ADCY1: variants seen among roughly 807,000 people sequenced by gnomAD.
The protein encoded by ADCY1 is adenylate cyclase 1.
In ADCY1, 28 loss-of-function variants were observed where a neutral mutation model predicts 105.4. The ratio of observed to expected loss-of-function variants is 0.27; its 90% CI spans 0.20 to 0.36. ADCY1 has a LOEUF of 0.36. Ranked by LOEUF, ADCY1 falls within the 10% of genes least tolerant of loss-of-function variation. The pLI is 1.00. For missense variants in ADCY1, 977 were observed against 1,434.2 expected (o/e 0.68, Z 5.15); for synonymous variants, 655 against 623.8 (o/e 1.05, Z -0.75).
At chr7:45,640,802 T>C (rs1444165702) in intron 4 of ADCY1, among the ~76,000 whole-genome samples, 3 of 152,228 alleles carry the variant, frequency 2.0e-5, no homozygotes, top group African/African-American at 4.8e-5. Context: ...TTGGCTATTG[T>C]TTTAAGCTAC....
rs142382895 is a variant in ADCY1 at position 45,586,353 on chromosome 7, G to A, written c.640-6406G>A. On this transcript the variant is annotated intron_variant, in intron 1 of 19. Coordinates refer to ENST00000297323, the MANE Select transcript of ADCY1 (RefSeq NM_021116.4). Reference sequence around the variant, plus strand: ...CCAGGTCTGTTGAACATAGCTTCACGCATTAGAAACCTGATGACGGGAGCT... The same window carrying A: ...CCAGGTCTGTTGAACATAGCTTCACACATTAGAAACCTGATGACGGGAGCT... Among the ~76,000 whole-genome samples the A allele has an allele frequency of 2.2e-3, 332 of 152,256 alleles. 1 individual carries two copies. Among genetic ancestry groups the A allele is most frequent in the African/African-American group, 7.6e-3 (315 of 41,554 alleles).
At chr7:45,665,457 A>G (rs1014003607) in intron 8 of ADCY1, among the ~76,000 whole-genome samples, 3 of 152,246 alleles carry the variant, frequency 2.0e-5, no homozygotes, top group Non-Finnish European at 4.4e-5. Context: ...CTGGCAGCAC[A>G]GTTGTCTCCT....
chr7:45,638,481 CTT>C (rs34719678), intron 4 of ADCY1, among the ~76,000 whole-genome samples: 3,509 of 132,662 alleles, frequency 0.026, 27 homozygotes, highest in Middle Eastern at 0.062. Flanking sequence ...CAGTTTGCTC[CTT>C]TTTTTTTTTT....
At chr7:45,610,881 A>AGGTGATAGTGGAAGTGTGG (rs1793552884) in intron 3 of ADCY1, among the ~76,000 whole-genome samples, 4 of 13,530 alleles carry the variant, frequency 3.0e-4, no homozygotes, top group East Asian at 2.5e-3. Context: ...TGGAGGTGGG[A>AGGTGATAGTGGAAGTGTGG]AGGTGATGGT....
chr7:45,588,917 T>G (rs760204967), intron 1 of ADCY1, among the ~76,000 whole-genome samples: 3 of 151,788 alleles, frequency 2.0e-5, no homozygotes, highest in Non-Finnish European at 4.4e-5. Context: ...AACACTTTCC[T>G]TACTTTCTGG....
chr7:45,672,747 C>G (rs925060244), intron 8 of ADCY1, among the ~76,000 whole-genome samples: 1 of 151,906 alleles, frequency 6.6e-6, no homozygotes, highest in Non-Finnish European at 1.5e-5. Context: ...ATCATCATGT[C>G]GTCTGAAACT....
chr7:45,699,250 C>T (rs1372639462), intron 14 of ADCY1, among the ~76,000 whole-genome samples: 2 of 152,200 alleles, frequency 1.3e-5, no homozygotes, highest in Non-Finnish European at 2.9e-5. Context: ...CATCCTGGTA[C>T]AGCTGGCCTC....
rs1352247612 is a variant in ADCY1, at chr7:45,591,722, T to C, written c.640-1037T>C. On this transcript the variant is annotated intron_variant, in intron 1 of 19. Transcript: ENST00000297323. This position sits in a 1 kb window ranked among gnomAD's most constrained non-coding sequence, Gnocchi z 4.1. ...CAGAGTTGCCTGTGTCCAGACCCAG[T>C]GGTCTGCAAGACGTAGAGACAGATC... 6.6e-6 allele frequency among the ~76,000 whole-genome samples: 1 copy of C among 152,194 alleles called. No homozygotes were observed. The highest frequency in any genetic ancestry group is 1.5e-5 in the Non-Finnish European group (1 of 68,030).
At position 45,664,459 on chromosome 7, in the gene ADCY1, CG is replaced by C. The variant is rs762438173; in HGVS notation, c.1605+2246del. On this transcript the variant is annotated intron_variant, in intron 8 of 19. Coordinates refer to ENST00000297323, the MANE Select transcript of ADCY1 (RefSeq NM_021116.4). ...CAGCCCTTATCCCCCAGGGCATTCA[CG>C]CCAGCTCTGTTCTTCTCTCAGCACT... is the stretch of plus-strand genomic sequence containing the variant. 47 of 1,524,072 alleles carry C rather than the reference CG, an allele frequency of 3.1e-5. 1 individual carries two copies. The highest frequency in any genetic ancestry group is 4.1e-5 in the Non-Finnish European group (47 of 1,139,602). The allele number at this position is 1,524,072 out of a possible 1,614,324, so 94.4% of individuals were successfully genotyped here. A position where few individuals can be genotyped will look rare whatever the true frequency, so the allele number is the denominator to read the frequency against.
At chr7:45,587,584 G>A (rs571777855) in intron 1 of ADCY1, among the ~76,000 whole-genome samples, 1 of 152,256 alleles carries the variant, frequency 6.6e-6, no homozygotes, top group East Asian at 1.9e-4. Flanking sequence ...CAGGTACCTG[G>A]GGATGTGGGA....
At chr7:45,666,576 C>T (rs868315490) in intron 8 of ADCY1, among the ~76,000 whole-genome samples, 2 of 152,084 alleles carry the variant, frequency 1.3e-5, no homozygotes, top group African/African-American at 2.4e-5. Flanking sequence ...TGAATAGTGC[C>T]GCAATAAACA....
chr7:45,703,561 CCTGG>C lies in ADCY1; in HGVS notation c.2572-35_2572-32del. On this transcript the variant is annotated intron_variant, in intron 15 of 19. Transcript: ENST00000297323. This position sits in a 1 kb window ranked among gnomAD's most constrained non-coding sequence, Gnocchi z 5.9. Reference sequence around the variant, plus strand: ...CTCTGGCCACCCCACTTGGCGCTCACCTGGCTGACCCTTCCTGACCCATCCTTTG... The same window carrying C: ...CTCTGGCCACCCCACTTGGCGCTCACCTGACCCTTCCTGACCCATCCTTTG... 1.2e-6 allele frequency: 2 copies of C among 1,611,868 alleles called. No homozygotes were observed. The highest frequency in any genetic ancestry group is 1.7e-6 in the Non-Finnish European group (2 of 1,178,396).
intron 1 of ADCY1, among the ~76,000 whole-genome samples, chr7:45,592,195 G>C (rs536390157): frequency 6.6e-6 from 1 of 152,160 alleles, no homozygotes; most frequent in Non-Finnish European, 1.5e-5. Context: ...ACCACAGACT[G>C]GGCACCTTAA....
At position 45,687,000 on chromosome 7, in the gene ADCY1, G is replaced by C. The variant is rs1385518310; in HGVS notation, c.2454+327G>C. Among the ~76,000 whole-genome samples the C allele has an allele frequency of 6.6e-6, 1 of 152,220 alleles. No homozygotes were observed. The highest frequency in any genetic ancestry group is 2.4e-5 in the African/African-American group (1 of 41,446). ...GAACAGCATGTGCAGTGGTGGTGCA[G>C]AGGGGCTCAGCCTCTGCAGGGCTGG... On this transcript the variant is annotated intron_variant, in intron 14 of 19. Transcript: ENST00000297323. This position sits in a 1 kb window ranked among gnomAD's most constrained non-coding sequence, Gnocchi z 4.3.
intron 8 of ADCY1, among the ~76,000 whole-genome samples, chr7:45,675,133 TTGC>T (rs1784431796): frequency 6.6e-6 from 1 of 152,176 alleles, no homozygotes; most frequent in African/African-American, 2.4e-5. Context: ...TTTTCCTATG[TTGC>T]TGTGGTTTAT....
chr7:45,623,723 T>A (rs927723071), intron 4 of ADCY1, among the ~76,000 whole-genome samples: 14 of 152,128 alleles, frequency 9.2e-5, no homozygotes, highest in Non-Finnish European at 2.9e-5. Flanking sequence ...TCCCTGAGAT[T>A]TTCACGCCCA....
intron 11 of ADCY1, among the ~76,000 whole-genome samples, chr7:45,684,212 T>G (rs1265131123): frequency 2.0e-5 from 3 of 152,230 alleles, no homozygotes; most frequent in Admixed American, 2.0e-4. Context: ...ACCCACCAGC[T>G]GGGTAAGCTG....
chr7:45,628,346 G>T (rs1253319328), intron 4 of ADCY1, among the ~76,000 whole-genome samples: 1 of 152,136 alleles, frequency 6.6e-6, no homozygotes, highest in African/African-American at 2.4e-5. Flanking sequence ...CTCGGTTTCC[G>T]CCATCCATCT....
intron 1 of ADCY1, among the ~76,000 whole-genome samples, chr7:45,579,710 C>T (rs1356570733): frequency 6.6e-6 from 1 of 152,176 alleles, no homozygotes; most frequent in East Asian, 1.9e-4. Flanking sequence ...TCCCTGCCTC[C>T]TGCTGTGTGG....
Sources: gnomAD v4.1 joint callset for allele counts (sites outside exome capture counted in the v4.1 genomes callset) on GRCh38, gnomAD v4.1.1 for gene constraint, Gnocchi (gnomAD v3.1) non-coding constraint, MANE v1.5 for transcripts, NCBI Gene and HGNC (gene_info 2026-07-23, HGNC 2026-07-21) for gene names.